NAALADL2: variants seen among roughly 807,000 people sequenced by gnomAD.
NAALADL2 encodes the protein N-acetylated alpha-linked acidic dipeptidase like 2.
NAALADL2 carries 76 observed loss-of-function variants against 87.2 expected under a neutral mutation model. The observed-to-expected ratio is 0.87, with a 90% CI of 0.72 to 1.05. NAALADL2 has a LOEUF of 1.05. Among genes scored for constraint, NAALADL2 ranks in the 50% least tolerant of loss-of-function variants. The pLI is 0.00. For synonymous variants in NAALADL2, 354 were observed against 331.0 expected, an observed-to-expected ratio of 1.07 and a Z score of -0.75; for missense variants, 1,089 against 945.8, an observed-to-expected ratio of 1.15 and a Z score of -1.99.
At chr3:175,024,689 T>C (rs1408511570) in intron 1 of NAALADL2, among the ~76,000 whole-genome samples, 1 of 151,900 alleles carries the variant, frequency 6.6e-6, no homozygotes, top group Non-Finnish European at 1.5e-5. Context: ...GAACAGGATA[T>C]CAGAGTGAAA....
chr3:174,481,818 G>T (rs1197635514), intron 1 of NAALADL2, among the ~76,000 whole-genome samples: 3 of 152,064 alleles, frequency 2.0e-5, no homozygotes, highest in Non-Finnish European at 4.4e-5. Flanking sequence ...GACAATAGAG[G>T]TGAAATGTTA....
chr3:175,083,848 C>G (rs13327895), intron 1 of NAALADL2, among the ~76,000 whole-genome samples: 18,989 of 152,108 alleles, frequency 0.12, 1,320 homozygotes, highest in Middle Eastern at 0.19. Context: ...GATGCTATAC[C>G]TATTTTGAAA....
At chr3:174,517,045 A>G (rs989229623) in intron 1 of NAALADL2, among the ~76,000 whole-genome samples, 3 of 152,040 alleles carry the variant, frequency 2.0e-5, no homozygotes, top group African/African-American at 7.2e-5. Flanking sequence ...TGCTATAATT[A>G]CTTTTAATAT....
At chr3:175,784,335 G>T (rs1351967569) in intron 13 of NAALADL2, among the ~76,000 whole-genome samples, 1 of 151,962 alleles carries the variant, frequency 6.6e-6, no homozygotes, top group African/African-American at 2.4e-5. Flanking sequence ...TCTGGTCCTG[G>T]ACTATTTTTG....
At chr3:175,039,431 T>TA (rs1753792113) in intron 1 of NAALADL2, among the ~76,000 whole-genome samples, 1 of 152,146 alleles carries the variant, frequency 6.6e-6, no homozygotes, top group African/African-American at 2.4e-5. Flanking sequence ...CTGAATAGGA[T>TA]ACCTACACAA....
intron 5 of NAALADL2, among the ~76,000 whole-genome samples, chr3:175,423,028 A>AAAAAAAAAAAAATAT (rs1438736874): frequency 1.8e-5 from 2 of 111,316 alleles, no homozygotes; most frequent in South Asian, 2.7e-4. Context: ...GAAAAAAAAA[A>AAAAAAAAAAAAATAT]ATATATATAT....
chr3:175,477,766 G>A (rs1457272925), intron 9 of NAALADL2, among the ~76,000 whole-genome samples: 2 of 151,390 alleles, frequency 1.3e-5, no homozygotes, highest in Admixed American at 6.6e-5. Flanking sequence ...GGTTTGGATG[G>A]CATTACTGCC....
chr3:175,650,853 A>G (rs1207887376), intron 11 of NAALADL2, among the ~76,000 whole-genome samples: 1 of 152,228 alleles, frequency 6.6e-6, no homozygotes, highest in Non-Finnish European at 1.5e-5. Context: ...GTGTTATAAC[A>G]TGGTATAACC....
At chr3:175,052,331 G>A (rs1318541168) in intron 1 of NAALADL2, among the ~76,000 whole-genome samples, 1 of 152,202 alleles carries the variant, frequency 6.6e-6, no homozygotes, top group African/African-American at 2.4e-5. Context: ...CAGTGCTGCA[G>A]AGATTTTATT....
At chr3:174,958,979 A>G (rs1741574524) in intron 1 of NAALADL2, among the ~76,000 whole-genome samples, 2 of 152,096 alleles carry the variant, frequency 1.3e-5, no homozygotes, top group South Asian at 4.1e-4. Flanking sequence ...AAGTGTTGGC[A>G]TGTTCTCTTG....
intron 11 of NAALADL2, among the ~76,000 whole-genome samples, chr3:175,698,494 T>C (rs755648646): frequency 6.9e-6 from 1 of 144,004 alleles, no homozygotes; most frequent in Non-Finnish European, 1.5e-5. Context: ...TATATATATA[T>C]ATATATATAA....
intron 1 of NAALADL2, among the ~76,000 whole-genome samples, chr3:174,882,606 T>C (rs114122696): frequency 9.5e-5 from 13 of 137,086 alleles, no homozygotes; most frequent in South Asian, 6.5e-4. Context: ...TACACATACA[T>C]ATATGTGCAT....
At chr3:175,708,856 T>C (rs1181209622) in intron 11 of NAALADL2, among the ~76,000 whole-genome samples, 1 of 151,776 alleles carries the variant, frequency 6.6e-6, no homozygotes, top group Non-Finnish European at 1.5e-5. Flanking sequence ...AGAAGAAATA[T>C]ATGACTGCTG....
At chr3:174,789,845 A>G (rs1428665422) in intron 3 of NAALADL2, among the ~76,000 whole-genome samples, 1 of 152,228 alleles carries the variant, frequency 6.6e-6, no homozygotes, top group African/African-American at 2.4e-5. Flanking sequence ...GAAAACAGAT[A>G]GAAGAACAAC....
Position 174,448,607 on chromosome 3 carries a change from A to G in NAALADL2, c.-184+7575A>G, listed in dbSNP as rs372220656. ...CTATTGCTCACTGCACAGAAAGCCA[A>G]TCAATGAGATGAGTATTGCCAGGGA... is the stretch of plus-strand genomic sequence containing the variant. On this transcript the variant is annotated intron_variant, in intron 1 of 3. Transcript: ENST00000434257. Among the ~76,000 whole-genome samples the G allele has an allele frequency of 1.6e-4, 25 of 152,302 alleles. No individual in the cohort carries two copies. The South Asian group carries it at 4.8e-3, about 29-fold the overall frequency.
intron 2 of NAALADL2, among the ~76,000 whole-genome samples, chr3:174,715,382 T>A (rs2108931267): frequency 6.6e-6 from 1 of 152,328 alleles, no homozygotes; most frequent in Admixed American, 6.5e-5. Flanking sequence ...ACCAGACAGA[T>A]TAAAATAATC....
At chr3:175,262,852 C>G (rs1751297346) in intron 4 of NAALADL2, among the ~76,000 whole-genome samples, 1 of 151,870 alleles carries the variant, frequency 6.6e-6, no homozygotes, top group South Asian at 2.1e-4. Context: ...GGAAGGCAAA[C>G]TTGCCTCTTT....
chr3:175,735,186 A>G (rs1744336327), intron 11 of NAALADL2, among the ~76,000 whole-genome samples: 1 of 152,218 alleles, frequency 6.6e-6, no homozygotes, highest in Non-Finnish European at 1.5e-5. Flanking sequence ...AAACATAACA[A>G]GAGTCACCTT....
intron 1 of NAALADL2, among the ~76,000 whole-genome samples, chr3:174,968,731 C>T (rs1183181827): frequency 6.6e-6 from 1 of 152,156 alleles, no homozygotes; most frequent in African/African-American, 2.4e-5. Context: ...GCCGCCTCGG[C>T]CTCCCAAAGT....
Sources: gnomAD v4.1 joint callset for allele counts (sites outside exome capture counted in the v4.1 genomes callset) on GRCh38, gnomAD v4.1.1 for gene constraint, MANE v1.5 for transcripts, NCBI Gene and HGNC (gene_info 2026-07-23, HGNC 2026-07-21) for gene names.